REV3L: variants seen among roughly 807,000 people sequenced by gnomAD.
The protein encoded by REV3L is DNA polymerase zeta catalytic subunit.
Under a neutral mutation model 299.4 loss-of-function variants are expected in REV3L, and 69 were observed. The observed-to-expected ratio is 0.23, with a 90% CI of 0.19 to 0.28. The LOEUF (loss-of-function observed/expected upper bound fraction) is 0.28, where lower values mean the gene tolerates loss of function less well. Ranked by LOEUF, REV3L falls within the 10% of genes least tolerant of loss-of-function variation. REV3L has a pLI of 1.00. For missense variants in REV3L, 3,128 were observed against 3,693.8 expected, an observed-to-expected ratio of 0.85 and a Z score of 3.97; for synonymous variants, 1,238 against 1,271.4, an observed-to-expected ratio of 0.97 and a Z score of 0.56.
intron 25 of REV3L, among the ~76,000 whole-genome samples, chr6:111,328,233 CTG>C (rs1422098154): frequency 3.9e-5 from 6 of 152,078 alleles, no homozygotes; most frequent in Admixed American, 1.3e-4. Flanking sequence ...TATGGAATGA[CTG>C]TTGTTTATTC....
intron 4 of REV3L, among the ~76,000 whole-genome samples, chr6:111,394,563 T>G (rs946720701): frequency 2.0e-5 from 3 of 152,196 alleles, no homozygotes; most frequent in Admixed American, 2.0e-4. Context: ...GTAGGCTGTC[T>G]CTTTACTCTG....
At chr6:111,479,690 T>C (rs1341788398) in intron 1 of REV3L, among the ~76,000 whole-genome samples, 1 of 152,036 alleles carries the variant, frequency 6.6e-6, no homozygotes, top group Non-Finnish European at 1.5e-5. Context: ...TGTTTGTTTG[T>C]TTGTTTGTTT....
chr6:111,477,979 C>T (rs1350933295), intron 1 of REV3L, among the ~76,000 whole-genome samples: 2 of 152,142 alleles, frequency 1.3e-5, no homozygotes, highest in African/African-American at 2.4e-5. Context: ...GATTTATGCT[C>T]ATAGATTAAA....
At chr6:111,411,275 A>G (rs1028286207) in intron 3 of REV3L, among the ~76,000 whole-genome samples, 20 of 152,188 alleles carry the variant, frequency 1.3e-4, no homozygotes, top group African/African-American at 4.8e-4. Context: ...CTGTAACAGG[A>G]AAGAAGCAGT....
chr6:111,367,848 T>C lies in REV3L; in HGVS notation c.5940A>G (p.Ser1980=). Reference sequence around the variant, plus strand: ...CTTCAACCATCTTAGGGCTATTACTTGACCCTTTATTGACAACTCCTTGGC... The same window carrying C: ...CTTCAACCATCTTAGGGCTATTACTCGACCCTTTATTGACAACTCCTTGGC... The part of the protein sequence containing the change: ...RSGQGVVNKG[S]SNSPKMVEDK... The change falls in exon 14 of 32, where the codon TCA becomes TCG. Residue 1980 remains serine (S), a synonymous_variant. Transcript: ENST00000368802. 1 of 1,614,176 alleles carries C rather than the reference T, an allele frequency of 6.2e-7. No individual in the cohort carries two copies. Among genetic ancestry groups the C allele is most frequent in the African/African-American group, 1.3e-5 (1 of 75,050 alleles).
At chr6:111,364,346 TA>T (rs1778992883) in intron 15 of REV3L, among the ~76,000 whole-genome samples, 1 of 152,148 alleles carries the variant, frequency 6.6e-6, no homozygotes, top group African/African-American at 2.4e-5. Flanking sequence ...CTACTTTGGC[TA>T]AAGTTTGTAA....
chr6:111,317,998 A>G (rs1467967645), intron 26 of REV3L, among the ~76,000 whole-genome samples: 1 of 152,182 alleles, frequency 6.6e-6, no homozygotes, highest in Non-Finnish European at 1.5e-5. Flanking sequence ...ATAGACGTTT[A>G]GATATTTTGC....
At chr6:111,424,744 T>C (rs978082968) in intron 1 of REV3L, among the ~76,000 whole-genome samples, 33 of 152,182 alleles carry the variant, frequency 2.2e-4, no homozygotes, top group African/African-American at 7.5e-4. Context: ...TCCCAGCACT[T>C]GCCTTTATTT....
chr6:111,327,561 A>G (rs532953025), intron 25 of REV3L, among the ~76,000 whole-genome samples: 1 of 152,216 alleles, frequency 6.6e-6, no homozygotes, highest in South Asian at 2.1e-4. Flanking sequence ...TTCAAAAAAA[A>G]AAAAAAAAGG....
Position 111,316,332 on chromosome 6 carries a change from G to A in REV3L, c.8352-951C>T, listed in dbSNP as rs896749840. Among the ~76,000 whole-genome samples, 6 of 151,936 alleles carry A rather than the reference G, an allele frequency of 3.9e-5. 1 individual carries two copies. The highest frequency in any genetic ancestry group is 1.5e-4 in the African/African-American group (6 of 41,368). On this transcript the variant is annotated intron_variant, in intron 26 of 31. Coordinates refer to ENST00000368802, the MANE Select transcript of REV3L (RefSeq NM_001372078.1). ...AATGGAAGATGTACTTGTGATATGG[G>A]AGAAGTTCCCTTAAGGCTAGAATCA...
At chr6:111,461,524 T>C (rs1562347890) in intron 1 of REV3L, among the ~76,000 whole-genome samples, 1 of 151,994 alleles carries the variant, frequency 6.6e-6, no homozygotes, top group Non-Finnish European at 1.5e-5. Flanking sequence ...ATAACCTACA[T>C]GAACAGTTCT....
At chr6:111,420,901 G>C (rs1785266841) in intron 1 of REV3L, among the ~76,000 whole-genome samples, 1 of 152,086 alleles carries the variant, frequency 6.6e-6, no homozygotes, top group Admixed American at 6.5e-5. Context: ...CAGCACTTTG[G>C]GGGCTGAGGC....
chr6:111,414,212 C>T (rs1784538204), intron 2 of REV3L, among the ~76,000 whole-genome samples: 1 of 152,126 alleles, frequency 6.6e-6, no homozygotes, highest in African/African-American at 2.4e-5. Flanking sequence ...TAATGCCCTA[C>T]TTAAAATACC....
In REV3L at chr6:111,381,365, A is replaced by G. The variant is rs1780812544; in HGVS notation, c.1176T>C (p.Phe392=). 2.5e-6 allele frequency: 4 copies of G among 1,613,770 alleles called. No homozygotes were observed. Among genetic ancestry groups the G allele is most frequent in the East Asian group, 4.5e-5 (2 of 44,786 alleles). ...CACTCAGTCTTTGGGTCAAAGGCTGAAAAGTCTGACTATTTTCCATAAGGT... is the reference window on the plus strand; with the variant it reads ...CACTCAGTCTTTGGGTCAAAGGCTGGAAAGTCTGACTATTTTCCATAAGGT... The part of the protein sequence containing the change: ...ILNLMENSQT[F]QPLTQRLSES... The change falls in exon 10 of 32, where the codon TTT becomes TTC. Residue 392 remains phenylalanine (F), a synonymous_variant. Transcript: ENST00000368802.
chr6:111,378,720 T>G (rs1337760781), intron 11 of REV3L, among the ~76,000 whole-genome samples: 1 of 152,206 alleles, frequency 6.6e-6, no homozygotes. Context: ...CCATACATGA[T>G]TCCTATTTTG....
intron 21 of REV3L, among the ~76,000 whole-genome samples, chr6:111,339,677 G>A (rs1333302503): frequency 6.6e-6 from 1 of 151,988 alleles, no homozygotes; most frequent in Admixed American, 6.6e-5. Flanking sequence ...TAAATCTGCT[G>A]ACCTATAGGC....
rs115486929 is a variant in REV3L at position 111,459,482 on chromosome 6, G to T, written c.139+23268C>A. Among the ~76,000 whole-genome samples the T allele has an allele frequency of 3.7e-3, 564 of 152,126 alleles. 2 individuals are homozygous for T. The highest frequency in any genetic ancestry group is 0.013 in the African/African-American group (544 of 41,534). On this transcript the variant is annotated intron_variant, in intron 1 of 31. Coordinates refer to ENST00000368802, the MANE Select transcript of REV3L (RefSeq NM_001372078.1). ...AGAGAAACCATTAACAGAGTAAACA[G>T]ATAATCTACAGAATGGGAGAAAAAA... is the stretch of plus-strand genomic sequence containing the variant.
chr6:111,423,927 T>C (rs892823967), intron 1 of REV3L, among the ~76,000 whole-genome samples: 3 of 152,212 alleles, frequency 2.0e-5, no homozygotes, highest in Admixed American at 6.5e-5. Context: ...ATTTTACATG[T>C]CTATAGAATT....
intron 16 of REV3L, among the ~76,000 whole-genome samples, chr6:111,363,458 A>C (rs1778899565): frequency 1.3e-5 from 2 of 152,054 alleles, no homozygotes; most frequent in South Asian, 4.1e-4. Flanking sequence ...GGTGCGCGCC[A>C]CCATGCTCAT....
Sources: allele counts gnomAD v4.1 joint callset (sites outside exome capture counted in the v4.1 genomes callset), GRCh38; gene constraint gnomAD v4.1.1; transcripts MANE v1.5; gene names NCBI Gene and HGNC (gene_info 2026-07-23, HGNC 2026-07-21).